ALKBH8: variants seen among roughly 807,000 people sequenced by gnomAD.
ALKBH8 encodes the protein alkB homolog 8, tRNA methyltransferase, also known as tRNA (carboxymethyluridine(34)-5-O)-methyltransferase ALKBH8.
Under a neutral mutation model 59.8 loss-of-function variants are expected in ALKBH8, and 36 were observed. That is an observed-to-expected ratio of 0.60 (90% CI 0.46 to 0.79). The LOEUF is 0.79. ALKBH8 is among the 30% of genes least tolerant of loss of function. The pLI is 0.00. For synonymous variants in ALKBH8, 276 were observed against 273.6 expected (o/e 1.01, Z -0.09); for missense variants, 768 against 801.0 (o/e 0.96, Z 0.50).
intron 7 of ALKBH8, among the ~76,000 whole-genome samples, chr11:107,541,954 C>T (rs1030530237): frequency 2.0e-5 from 3 of 151,792 alleles, no homozygotes; most frequent in Admixed American, 6.6e-5. Context: ...AGAAAAATGC[C>T]GTAACTGAAA....
chr11:107,504,991 T>C lies in ALKBH8; in HGVS notation c.1662A>G (p.Ala554=). The change falls in exon 12 of 12, where the codon GCA becomes GCG. Residue 554 remains alanine (A), a synonymous_variant. Coordinates refer to ENST00000428149, the MANE Select transcript of ALKBH8 (RefSeq NM_138775.3). ...AGTCATTAATGCGGGGGACAGAAGA[T>C]GCCGAGTCTCGACTGCCCATGTCAC... ...QMRDMGSRDS[A]SSVPRINDSQ... 6.4e-7 allele frequency: 1 copy of C among 1,551,708 alleles called. No individual in the cohort carries two copies. The highest frequency in any genetic ancestry group is 8.7e-7 in the Non-Finnish European group (1 of 1,146,882).
chr11:107,555,318 T>C (rs1864663103), intron 3 of ALKBH8, among the ~76,000 whole-genome samples: 1 of 152,162 alleles, frequency 6.6e-6, no homozygotes, highest in African/African-American at 2.4e-5. Flanking sequence ...AAAATGACTT[T>C]CAAGGTTATA....
chr11:107,552,293 T>G (rs1225264681), intron 5 of ALKBH8, among the ~76,000 whole-genome samples: 1 of 151,958 alleles, frequency 6.6e-6, no homozygotes, highest in African/African-American at 2.4e-5. Context: ...AAACACATCT[T>G]CCAAAGTGGA....
intron 8 of ALKBH8, among the ~76,000 whole-genome samples, chr11:107,531,560 T>A (rs1163820086): frequency 1.3e-5 from 2 of 152,218 alleles, no homozygotes; most frequent in Non-Finnish European, 2.9e-5. Flanking sequence ...ATAGACTGAA[T>A]CCTCGATCAG....
In ALKBH8 at chr11:107,554,884, T is replaced by C. The variant is rs143163071; in HGVS notation, c.368-906A>G. Among the ~76,000 whole-genome samples, 36 of 152,286 alleles carry C rather than the reference T, an allele frequency of 2.4e-4. No homozygotes were observed. The East Asian group carries it at 3.9e-3, about 16-fold the overall frequency. On this transcript the variant is annotated intron_variant, in intron 3 of 11. Coordinates refer to ENST00000428149, the MANE Select transcript of ALKBH8 (RefSeq NM_138775.3). ...TAATTTGGATTTAGTTTCCGAAATATGTTGTTTTAAAAAGAATTAAAAATA... is the reference window on the plus strand; with the variant it reads ...TAATTTGGATTTAGTTTCCGAAATACGTTGTTTTAAAAAGAATTAAAAATA...
chr11:107,525,914 T>A (rs1863334369), intron 8 of ALKBH8, among the ~76,000 whole-genome samples: 1 of 151,912 alleles, frequency 6.6e-6, no homozygotes, highest in East Asian at 1.9e-4. Context: ...AAATTTAAAT[T>A]CATTATCAGT....
intron 8 of ALKBH8, among the ~76,000 whole-genome samples, chr11:107,530,402 T>C (rs753571211): frequency 1.3e-5 from 2 of 152,218 alleles, no homozygotes; most frequent in Admixed American, 6.5e-5. Context: ...TCAAGGCTTA[T>C]TTCCTGTTAT....
At position 107,503,873 on chromosome 11, in the gene ALKBH8, A is replaced by G. The variant is rs1862270607; in HGVS notation, c.*785T>C. The G allele has an allele frequency of 6.6e-6, 1 of 152,202 alleles. No homozygotes were observed. Among genetic ancestry groups the G allele is most frequent in the Non-Finnish European group, 1.5e-5 (1 of 68,036 alleles). 9.4% of individuals were successfully genotyped at this position (152,202 alleles called of 1,614,324 possible). On this transcript the variant is annotated 3_prime_UTR_variant, in exon 12 of 12. Coordinates refer to ENST00000428149, the MANE Select transcript of ALKBH8 (RefSeq NM_138775.3). ...GTCAGGATTAGTAGTTATTTCAGTC[A>G]CTTAAAAGTAATCTTTTGCTCCAAG... is the stretch of plus-strand genomic sequence containing the variant.
chr11:107,533,734 G>A (rs768826498), intron 7 of ALKBH8, among the ~76,000 whole-genome samples: 8 of 152,190 alleles, frequency 5.3e-5, no homozygotes, highest in Non-Finnish European at 7.3e-5. Context: ...AAGATGGTTA[G>A]ATTATTTGGT....
At chr11:107,558,594 G>A (rs534033829) in intron 2 of ALKBH8, among the ~76,000 whole-genome samples, 2 of 152,248 alleles carry the variant, frequency 1.3e-5, no homozygotes, top group East Asian at 1.9e-4. Flanking sequence ...CTAAGATGCC[G>A]TCTGAGTGTT....
In ALKBH8 at chr11:107,522,475, C is replaced by A. The variant is rs1467716924; in HGVS notation, c.1111G>T (p.Glu371Ter). The A allele has an allele frequency of 6.4e-7, 1 of 1,551,708 alleles. No homozygotes were observed. The highest frequency in any genetic ancestry group is 2.0e-5 in the Admixed American group (1 of 50,992). ...PESDKEASRL[E>*]QEYVHQVYEE... is the part of the protein sequence containing the mutation. ...TAAACCTGATGGACGTACTCTTGCT[C>A]CAGCCGTGAGGCTTCTTTATCACTC... Residue 371 changes from glutamate to a stop codon, truncating the protein, a stop_gained, in exon 10 of 12, where the codon GAG (glutamate) becomes TAG (stop). Coordinates refer to ENST00000428149, the MANE Select transcript of ALKBH8 (RefSeq NM_138775.3). LOFTEE classifies it high-confidence loss of function.
chr11:107,534,544 A>C (rs1460128987), intron 7 of ALKBH8, among the ~76,000 whole-genome samples: 1 of 152,212 alleles, frequency 6.6e-6, no homozygotes, highest in Non-Finnish European at 1.5e-5. Flanking sequence ...ATTCAAACTT[A>C]TTCCCTCCCA....
chr11:107,557,005 T>C lies in ALKBH8; in HGVS notation c.130-2A>G. 1 of 1,544,428 alleles carries C rather than the reference T, an allele frequency of 6.5e-7. No homozygotes were observed. Among genetic ancestry groups the C allele is most frequent in the Non-Finnish European group, 8.7e-7 (1 of 1,147,184 alleles). On this transcript the variant is annotated splice_acceptor_variant, in intron 2 of 11. Coordinates refer to ENST00000428149, the MANE Select transcript of ALKBH8 (RefSeq NM_138775.3). LOFTEE classifies it high-confidence loss of function. ...ACCACCATTGGCAACAACCAGGCTC[T>C]TAAAAAACAAACAAACAAACAAAAA... is the stretch of plus-strand genomic sequence containing the variant.
intron 7 of ALKBH8, among the ~76,000 whole-genome samples, chr11:107,545,880 A>G (rs1838303500): frequency 1.3e-5 from 2 of 152,236 alleles, no homozygotes; most frequent in Admixed American, 1.3e-4. Flanking sequence ...CAAATCCATT[A>G]AACATCTGAA....
At chr11:107,554,027 A>G in intron 3 of ALKBH8, 49 bp from the exon 4 acceptor site, 1 of 1,599,394 alleles carries the variant, frequency 6.3e-7, no homozygotes, top group Non-Finnish European at 8.5e-7. Context: ...TAAAGTTCCT[A>G]TATACAAATA....
At chr11:107,519,846 T>C (rs1432433755) in intron 10 of ALKBH8, among the ~76,000 whole-genome samples, 1 of 152,200 alleles carries the variant, frequency 6.6e-6, no homozygotes, top group Non-Finnish European at 1.5e-5. Context: ...GGAGAGCTAC[T>C]TACTATCTCA....
intron 6 of ALKBH8, among the ~76,000 whole-genome samples, chr11:107,551,424 T>C (rs1451189177): frequency 1.3e-5 from 2 of 152,164 alleles, no homozygotes; most frequent in East Asian, 3.8e-4. Context: ...CTGGGCGCGG[T>C]GGCTCATGCC....
At chr11:107,529,705 A>G (rs899368767) in intron 8 of ALKBH8, among the ~76,000 whole-genome samples, 24 of 148,890 alleles carry the variant, frequency 1.6e-4, no homozygotes, top group Non-Finnish European at 3.2e-4. Flanking sequence ...GGGTTTCACC[A>G]TATTGGCCAG....
At chr11:107,554,350 A>C (rs1255755361) in intron 3 of ALKBH8, among the ~76,000 whole-genome samples, 2 of 152,180 alleles carry the variant, frequency 1.3e-5, no homozygotes, top group Admixed American at 6.5e-5. Context: ...TTTTGCTCTT[A>C]GGCTCTTGAT....
Sources: gnomAD v4.1 joint callset for allele counts (sites outside exome capture counted in the v4.1 genomes callset) on GRCh38, gnomAD v4.1.1 for gene constraint, MANE v1.5 for transcripts, NCBI Gene and HGNC (gene_info 2026-07-23, HGNC 2026-07-21) for gene names.